Variants in METTL25 observed in about 807,000 individuals in gnomAD.
The protein encoded by METTL25 is probable methyltransferase-like protein 25.
In METTL25, 64 loss-of-function variants were observed where a neutral mutation model predicts 71.6. The observed-to-expected ratio is 0.89, with a 90% CI of 0.73 to 1.10. METTL25 has a LOEUF of 1.10. Among genes scored for constraint, METTL25 ranks in the 50% least tolerant of loss-of-function variants. METTL25 has a pLI of 0.00. For missense variants in METTL25, 807 were observed against 707.0 expected, an observed-to-expected ratio of 1.14 and a Z score of -1.60; for synonymous variants, 287 against 250.3, an observed-to-expected ratio of 1.15 and a Z score of -1.38.
intron 3 of METTL25, among the ~76,000 whole-genome samples, chr12:82,398,524 A>C (rs1045044083): frequency 6.6e-6 from 1 of 152,122 alleles, no homozygotes; most frequent in African/African-American, 2.4e-5. Flanking sequence ...TGCAGACATG[A>C]CTATGTCATC....
At chr12:82,402,300 A>G (rs1886696335) in intron 4 of METTL25, among the ~76,000 whole-genome samples, 1 of 152,156 alleles carries the variant, frequency 6.6e-6, no homozygotes, top group Non-Finnish European at 1.5e-5. Context: ...TTTTATAACA[A>G]TATTTTATAA....
chr12:82,468,123 C>G (rs1412206055), intron 9 of METTL25, among the ~76,000 whole-genome samples: 1 of 152,014 alleles, frequency 6.6e-6, no homozygotes, highest in Non-Finnish European at 1.5e-5. Context: ...AGTGTGTCAA[C>G]TAAAATTAAG....
intron 8 of METTL25, chr12:82,451,338 C>G (rs1479372732): frequency 1.2e-6 from 1 of 802,372 alleles, no homozygotes. Flanking sequence ...CACAGGAGCT[C>G]TACTGCCTGG....
At chr12:82,424,964 C>G (rs1334443945) in intron 5 of METTL25, among the ~76,000 whole-genome samples, 1 of 152,040 alleles carries the variant, frequency 6.6e-6, no homozygotes, top group Non-Finnish European at 1.5e-5. Context: ...CTGCTGGCAT[C>G]TAGATTTGTG....
At chr12:82,424,618 T>C (rs1272574206) in intron 5 of METTL25, among the ~76,000 whole-genome samples, 1 of 151,900 alleles carries the variant, frequency 6.6e-6, no homozygotes, top group Admixed American at 6.6e-5. Context: ...GGATTCCAGA[T>C]ATAATATAGG....
At chr12:82,459,108 T>G (rs1296342311) in intron 9 of METTL25, among the ~76,000 whole-genome samples, 2 of 152,042 alleles carry the variant, frequency 1.3e-5, no homozygotes, top group Non-Finnish European at 2.9e-5. Flanking sequence ...CAAAGCATAC[T>G]AGAAGGCAAA....
chr12:82,369,342 G>C (rs998323476), intron 1 of METTL25: 1 of 357,372 alleles, frequency 2.8e-6, no homozygotes. Flanking sequence ...CACATAGTAG[G>C]TACAAATTCA....
At chr12:82,467,229 G>A (rs1288158976) in intron 9 of METTL25, among the ~76,000 whole-genome samples, 1 of 151,624 alleles carries the variant, frequency 6.6e-6, no homozygotes, top group Non-Finnish European at 1.5e-5. Flanking sequence ...CTTACTTCTG[G>A]CATTTTAAAA....
intron 9 of METTL25, among the ~76,000 whole-genome samples, chr12:82,460,318 A>G (rs1297216774): frequency 1.3e-5 from 2 of 152,240 alleles, no homozygotes; most frequent in Admixed American, 6.5e-5. Flanking sequence ...AATAATTTAT[A>G]TAGATATTTC....
At position 82,399,064 on chromosome 12, in the gene METTL25, A is replaced by G. The variant is rs1031428780; in HGVS notation, c.801A>G (p.Thr267=). 6.2e-7 allele frequency: 1 copy of G among 1,613,094 alleles called. No individual in the cohort carries two copies. The highest frequency in any genetic ancestry group is 1.3e-5 in the African/African-American group (1 of 74,916). The change falls in exon 4 of 12, where the codon ACA becomes ACG. Residue 267 remains threonine (T), a synonymous_variant. Transcript: ENST00000248306. The stretch of plus-strand genomic sequence containing the variant: ...AGGAAGTGTTTAACAACAGTCCTAC[A>G]AATCAAGAAAAGATGCCTACCTCAG... ...DTEEVFNNSP[T]NQEKMPTSAI...
intron 1 of METTL25, among the ~76,000 whole-genome samples, chr12:82,380,000 T>C (rs1884269173): frequency 6.6e-6 from 1 of 152,218 alleles, no homozygotes; most frequent in Non-Finnish European, 1.5e-5. Flanking sequence ...TGGCCTTAAA[T>C]ATTTGAGGTT....
chr12:82,463,082 C>G (rs979128971), intron 9 of METTL25, among the ~76,000 whole-genome samples: 2 of 152,006 alleles, frequency 1.3e-5, no homozygotes, highest in African/African-American at 4.8e-5. Flanking sequence ...TGGGGACATT[C>G]AGGATCCTCC....
At chr12:82,450,727 C>T (rs552301851) in intron 8 of METTL25, among the ~76,000 whole-genome samples, 3 of 152,098 alleles carry the variant, frequency 2.0e-5, no homozygotes, top group African/African-American at 4.8e-5. Flanking sequence ...GTGCCAGATA[C>T]GCTAATTTCC....
At chr12:82,454,407 G>A (rs1034944407) in intron 8 of METTL25, among the ~76,000 whole-genome samples, 5 of 152,054 alleles carry the variant, frequency 3.3e-5, no homozygotes, top group Non-Finnish European at 2.9e-5. Flanking sequence ...TGCCAGTGTT[G>A]TTGAGGAGGC....
chr12:82,438,786 C>G lies in METTL25; in HGVS notation c.1473C>G (p.Thr491=). The G allele has an allele frequency of 6.7e-7, 1 of 1,493,866 alleles. No homozygotes were observed. The highest frequency in any genetic ancestry group is 9.2e-7 in the Non-Finnish European group (1 of 1,092,836). The allele number at this position is 1,493,866 out of a possible 1,614,324, so 92.5% of individuals were successfully genotyped here. A position where few individuals can be genotyped will look rare whatever the true frequency, so the allele number is the denominator to read the frequency against. ...QDIIKDCYGI[T]KCDRHVGKIY... is the part of the protein sequence containing the mutation. Reference sequence around the variant, plus strand: ...TTATTAAAGATTGTTATGGCATCACCAAATGGTATGAGGATTTTATTTTAA... The same window carrying G: ...TTATTAAAGATTGTTATGGCATCACGAAATGGTATGAGGATTTTATTTTAA... The change falls in exon 8 of 12, where the codon ACC becomes ACG. Residue 491 remains threonine (T), a synonymous_variant. Transcript: ENST00000248306.
At chr12:82,385,784 G>C (rs1036373697) in intron 1 of METTL25, among the ~76,000 whole-genome samples, 2 of 152,138 alleles carry the variant, frequency 1.3e-5, no homozygotes, top group African/African-American at 2.4e-5. Flanking sequence ...ATTGTAGTTT[G>C]ATAGTAATGC....
At chr12:82,376,801 T>C (rs1883913533) in intron 1 of METTL25, among the ~76,000 whole-genome samples, 1 of 152,198 alleles carries the variant, frequency 6.6e-6, no homozygotes, top group African/African-American at 2.4e-5. Flanking sequence ...TCATTTTTCA[T>C]CTTCTTTGCA....
chr12:82,375,122 G>C (rs536086765), intron 1 of METTL25, among the ~76,000 whole-genome samples: 1 of 152,282 alleles, frequency 6.6e-6, no homozygotes, highest in African/African-American at 2.4e-5. Context: ...AGAGGAAGCT[G>C]GGGAAATAAT....
chr12:82,358,598 G>A lies in METTL25; in HGVS notation c.33G>A (p.Pro11=), dbSNP rs1881279826. MAASCPLPVT[P]DLPTLRAKLQ... is the part of the protein sequence containing the mutation. Reference sequence around the variant, plus strand: ...CTTCTTGCCCTCTCCCGGTGACCCCGGACCTGCCCACGCTGCGTGCCAAGT... The same window carrying A: ...CTTCTTGCCCTCTCCCGGTGACCCCAGACCTGCCCACGCTGCGTGCCAAGT... The change falls in exon 1 of 12, where the codon CCG becomes CCA. Residue 11 remains proline (P), a synonymous_variant. Transcript: ENST00000248306. The A allele has an allele frequency of 2.5e-6, 4 of 1,612,934 alleles. No individual in the cohort carries two copies. The highest frequency in any genetic ancestry group is 1.7e-5 in the Admixed American group (1 of 60,010).
Sources: gnomAD v4.1 joint callset for allele counts (sites outside exome capture counted in the v4.1 genomes callset) on GRCh38, gnomAD v4.1.1 for gene constraint, MANE v1.5 for transcripts, NCBI Gene and HGNC (gene_info 2026-07-23, HGNC 2026-07-21) for gene names.